SLC24A2: variants seen among roughly 807,000 people sequenced by gnomAD.
The protein encoded by SLC24A2 is solute carrier family 24 member 2.
A neutral mutation model predicts 62.0 loss-of-function variants in SLC24A2; 36 were observed. That is an observed-to-expected ratio of 0.58 (90% CI 0.44 to 0.77). The LOEUF (loss-of-function observed/expected upper bound fraction) is 0.77, where lower values mean the gene tolerates loss of function less well. Among genes scored for constraint, SLC24A2 ranks in the 30% least tolerant of loss-of-function variants. The probability of loss-of-function intolerance (pLI) is 0.00; values close to 1 mark genes in which losing one functional copy is unlikely to be tolerated. For synonymous variants in SLC24A2, 358 were observed against 294.0 expected (o/e 1.22, Z -2.23); for missense variants, 846 against 817.9 (o/e 1.03, Z -0.42).
the SLC24A2 span, among the ~76,000 whole-genome samples, chr9:19,992,685 A>G: frequency 6.6e-6 from 1 of 152,198 alleles, no homozygotes; most frequent in Non-Finnish European, 1.5e-5. Context: ...TACTCATCTC[A>G]TAGGAAAAAA....
chr9:19,774,919 C>G (rs1303067266), intron 2 of SLC24A2, among the ~76,000 whole-genome samples: 2 of 152,192 alleles, frequency 1.3e-5, no homozygotes, highest in East Asian at 3.9e-4. Flanking sequence ...ATACTTGTTT[C>G]TTTCCCATTA....
chr9:20,176,368 C>T, the SLC24A2 span, among the ~76,000 whole-genome samples: 1 of 152,024 alleles, frequency 6.6e-6, no homozygotes, highest in African/African-American at 2.4e-5. Flanking sequence ...GATAGTAAAT[C>T]ATAATCACAG....
the SLC24A2 span, among the ~76,000 whole-genome samples, chr9:20,081,328 G>C: frequency 2.0e-5 from 3 of 151,846 alleles, no homozygotes; most frequent in African/African-American, 7.3e-5. Flanking sequence ...GTCCTTTGTA[G>C]GGACATGGAT....
chr9:20,111,712 C>G, the SLC24A2 span, among the ~76,000 whole-genome samples: 3 of 152,094 alleles, frequency 2.0e-5, no homozygotes, highest in Admixed American at 1.3e-4. Flanking sequence ...TTGAAAAGCA[C>G]TGGTTTAACA....
At chr9:20,101,334 C>T in the SLC24A2 span, among the ~76,000 whole-genome samples, 1 of 152,162 alleles carries the variant, frequency 6.6e-6, no homozygotes. Flanking sequence ...ACCCTCAGAG[C>T]CTTTGTTCAG....
At position 19,597,319 on chromosome 9, in the gene SLC24A2, G is replaced by A. The variant is rs746174836; in HGVS notation, c.1079-40C>T. ...TAAAAGACACAAAGATAAGGAACGA[G>A]CTATAATGCAAGAACTTTGTTTTTA... On this transcript the variant is annotated intron_variant, in intron 4 of 10. Transcript: ENST00000341998. 8.6e-6 allele frequency: 11 copies of A among 1,279,732 alleles called. No homozygotes were observed. In the Admixed American group the frequency reaches 1.7e-4, roughly 20 times the overall value. 79.3% of individuals were successfully genotyped at this position (1,279,732 alleles called of 1,614,324 possible).
chr9:20,057,009 T>C, the SLC24A2 span, among the ~76,000 whole-genome samples: 4 of 152,360 alleles, frequency 2.6e-5, no homozygotes, highest in East Asian at 5.8e-4. Context: ...GCATTAATTT[T>C]ATTTCAAACC....
At chr9:19,723,399 C>T (rs891405047) in intron 2 of SLC24A2, among the ~76,000 whole-genome samples, 11 of 152,080 alleles carry the variant, frequency 7.2e-5, no homozygotes, top group South Asian at 2.1e-4. Flanking sequence ...CTGGTACTCT[C>T]ACCTCATTTA....
At position 19,755,892 on chromosome 9, in the gene SLC24A2, G is replaced by A. The variant is rs567355997; in HGVS notation, c.930+30045C>T. ...TTTTACCTTTCCATTTGGTTTTAGC[G>A]ATGTAGCTCTCATTGTATTACAATG... On this transcript the variant is annotated intron_variant, in intron 2 of 10. Transcript: ENST00000341998. 7.4e-5 allele frequency among the ~76,000 whole-genome samples: 11 copies of A among 148,782 alleles called. No homozygotes were observed. The South Asian group carries it at 2.2e-3, about 30-fold the overall frequency.
At chr9:19,842,986 T>G in the SLC24A2 span, among the ~76,000 whole-genome samples, 1 of 152,184 alleles carries the variant, frequency 6.6e-6, no homozygotes, top group Admixed American at 6.5e-5. Flanking sequence ...CCCAGCTGAT[T>G]GTAGGGTCAT....
At chr9:19,851,922 G>T in the SLC24A2 span, among the ~76,000 whole-genome samples, 1 of 152,166 alleles carries the variant, frequency 6.6e-6, no homozygotes, top group Admixed American at 6.6e-5. Context: ...TTCCACAGTG[G>T]TTGAACTAAC....
chr9:20,255,197 A>C, the SLC24A2 span, among the ~76,000 whole-genome samples: 8 of 152,178 alleles, frequency 5.3e-5, no homozygotes, highest in Non-Finnish European at 1.0e-4. Context: ...CTTACCACTT[A>C]GCTGAGAGAT....
At chr9:19,543,421 C>CTCTA (rs576140667) in intron 8 of SLC24A2, among the ~76,000 whole-genome samples, 1 of 145,260 alleles carries the variant, frequency 6.9e-6, no homozygotes, top group African/African-American at 2.5e-5. Context: ...TTTTTCATGT[C>CTCTA]TCTATCTCCT....
the SLC24A2 span, among the ~76,000 whole-genome samples, chr9:20,104,013 T>C: frequency 3.9e-5 from 6 of 152,180 alleles, no homozygotes; most frequent in African/African-American, 1.2e-4. Context: ...AAGGAGCTGA[T>C]GGAGCTGAAA....
At chr9:19,542,690 T>C (rs945207338) in intron 8 of SLC24A2, among the ~76,000 whole-genome samples, 2 of 152,250 alleles carry the variant, frequency 1.3e-5, no homozygotes, top group Non-Finnish European at 2.9e-5. Context: ...TCTGTTGAAA[T>C]AATCACGTGC....
chr9:19,615,994 G>GCACACA (rs3220155), intron 4 of SLC24A2, among the ~76,000 whole-genome samples: 2,050 of 140,852 alleles, frequency 0.015, 22 homozygotes, highest in African/African-American at 0.02. Flanking sequence ...TCACAGGCGT[G>GCACACA]CACACACACA....
At chr9:19,561,136 G>A (rs1221558492) in intron 7 of SLC24A2, among the ~76,000 whole-genome samples, 1 of 151,364 alleles carries the variant, frequency 6.6e-6, no homozygotes, top group African/African-American at 2.4e-5. Flanking sequence ...TACCATGTTG[G>A]CCAGGCTGGT....
intron 4 of SLC24A2, among the ~76,000 whole-genome samples, chr9:19,601,435 G>C (rs1360365887): frequency 6.6e-6 from 1 of 152,134 alleles, no homozygotes. Flanking sequence ...TTGTTCTTTT[G>C]CTTTTCACAA....
chr9:19,784,776 G>C (rs183472898), intron 2 of SLC24A2, among the ~76,000 whole-genome samples: 1 of 152,220 alleles, frequency 6.6e-6, no homozygotes, highest in Non-Finnish European at 1.5e-5. Context: ...AAGCATACGA[G>C]AGAAATGTTA....
Sources: allele counts gnomAD v4.1 joint callset (sites outside exome capture counted in the v4.1 genomes callset), GRCh38; gene constraint gnomAD v4.1.1; transcripts MANE v1.5; gene names NCBI Gene and HGNC (gene_info 2026-07-23, HGNC 2026-07-21).